CHST9: variants seen among roughly 807,000 people sequenced by gnomAD.
CHST9 encodes the protein carbohydrate sulfotransferase 9.
Under a neutral mutation model 44.4 loss-of-function variants are expected in CHST9, and 41 were observed. That is an observed-to-expected ratio of 0.92 (90% CI 0.72 to 1.20). CHST9 has a LOEUF of 1.20. CHST9 is among the 50% of genes most tolerant of loss of function. The probability of loss-of-function intolerance (pLI) is 0.00; values close to 1 mark genes in which losing one functional copy is unlikely to be tolerated. For missense variants in CHST9, 504 were observed against 516.5 expected (o/e 0.98, Z 0.23); for synonymous variants, 171 against 178.4 (o/e 0.96, Z 0.33).
intron 4 of CHST9, among the ~76,000 whole-genome samples, chr18:27,022,513 A>C (rs1193239426): frequency 6.6e-6 from 1 of 152,184 alleles, no homozygotes; most frequent in East Asian, 1.9e-4. Flanking sequence ...GACCACTTAA[A>C]GGGTATCTTT....
At chr18:26,985,335 A>G (rs985106779) in intron 4 of CHST9, among the ~76,000 whole-genome samples, 3 of 152,214 alleles carry the variant, frequency 2.0e-5, no homozygotes, top group Admixed American at 2.0e-4. Flanking sequence ...ACTGGGACCA[A>G]ATTTATTCTC....
intron 1 of CHST9, among the ~76,000 whole-genome samples, chr18:27,146,680 C>CT: frequency 6.6e-6 from 1 of 152,284 alleles, no homozygotes; most frequent in East Asian, 1.9e-4. Flanking sequence ...CTAAAAGGTA[C>CT]TTAAAAACTT....
chr18:26,998,396 A>C (rs962790353), intron 4 of CHST9, among the ~76,000 whole-genome samples: 1 of 152,232 alleles, frequency 6.6e-6, no homozygotes, highest in African/African-American at 2.4e-5. Flanking sequence ...ATGAAAGATG[A>C]AATAAAGAAA....
intron 1 of CHST9, among the ~76,000 whole-genome samples, chr18:27,164,375 T>C (rs979799301): frequency 7.2e-6 from 1 of 139,582 alleles, no homozygotes; most frequent in Non-Finnish European, 1.5e-5. Context: ...GAAAAACATA[T>C]GAGTTGGAAG....
intron 4 of CHST9, among the ~76,000 whole-genome samples, chr18:26,986,614 C>G (rs1033696626): frequency 6.6e-6 from 1 of 152,052 alleles, no homozygotes; most frequent in Non-Finnish European, 1.5e-5. Flanking sequence ...CTGAAGAAAA[C>G]CACATCAATG....
intron 2 of CHST9, among the ~76,000 whole-genome samples, chr18:27,095,075 T>C (rs2058104535): frequency 6.6e-6 from 1 of 152,164 alleles, no homozygotes; most frequent in Admixed American, 6.5e-5. Context: ...AATGAGGTAG[T>C]GTATTACATA....
intron 1 of CHST9, among the ~76,000 whole-genome samples, chr18:27,163,061 G>A (rs1228907189): frequency 6.6e-6 from 1 of 152,198 alleles, no homozygotes; most frequent in Non-Finnish European, 1.5e-5. Context: ...GTCTGTTGGA[G>A]TTTGCTGGAG....
chr18:26,956,930 TA>T (rs1337567673), intron 4 of CHST9, among the ~76,000 whole-genome samples: 2 of 152,288 alleles, frequency 1.3e-5, no homozygotes, highest in East Asian at 3.9e-4. Flanking sequence ...TTATTCACTT[TA>T]AAGGAATTTT....
chr18:27,090,406 C>T (rs932532094), intron 2 of CHST9, among the ~76,000 whole-genome samples: 1 of 152,138 alleles, frequency 6.6e-6, no homozygotes, highest in African/African-American at 2.4e-5. Context: ...TGCCTGTTCA[C>T]TCTGATGGTA....
chr18:26,930,570 C>G (rs1054748378), intron 5 of CHST9: 3 of 153,492 alleles, frequency 2.0e-5, no homozygotes, highest in African/African-American at 7.2e-5. Context: ...AATGGGTTAC[C>G]TCTCCTAAAA....
chr18:27,004,600 T>C (rs2056992500), intron 4 of CHST9, among the ~76,000 whole-genome samples: 1 of 152,182 alleles, frequency 6.6e-6, no homozygotes, highest in Non-Finnish European at 1.5e-5. Context: ...AAAGTACTTT[T>C]GGCAATGCTG....
intron 1 of CHST9, among the ~76,000 whole-genome samples, chr18:27,154,701 C>A (rs533628941): frequency 1.3e-5 from 2 of 152,082 alleles, no homozygotes; most frequent in Non-Finnish European, 2.9e-5. Context: ...TTTATCACAG[C>A]GGTTCGGTAT....
At chr18:27,042,091 A>T (rs1003926298) in intron 3 of CHST9, among the ~76,000 whole-genome samples, 1 of 152,160 alleles carries the variant, frequency 6.6e-6, no homozygotes, top group East Asian at 1.9e-4. Context: ...TTGGTAGTTC[A>T]GAACTACAGG....
chr18:27,122,257 T>C (rs1326741437), intron 2 of CHST9, among the ~76,000 whole-genome samples: 2 of 152,250 alleles, frequency 1.3e-5, no homozygotes, highest in African/African-American at 4.8e-5. Context: ...GATATAATTC[T>C]GGATTTGTGT....
At chr18:27,181,295 G>A (rs1415777622) in intron 1 of CHST9, among the ~76,000 whole-genome samples, 3 of 152,168 alleles carry the variant, frequency 2.0e-5, no homozygotes, top group Non-Finnish European at 4.4e-5. Flanking sequence ...GCTTCTTGCT[G>A]AAGTAACTCA....
At chr18:26,942,015 C>T (rs1317573831) in intron 5 of CHST9, among the ~76,000 whole-genome samples, 8 of 151,386 alleles carry the variant, frequency 5.3e-5, no homozygotes, top group Non-Finnish European at 1.2e-4. Context: ...TCCATAGTGC[C>T]TAATGGGAAG....
At chr18:27,039,395 G>A (rs2143525152) in intron 3 of CHST9, among the ~76,000 whole-genome samples, 1 of 152,278 alleles carries the variant, frequency 6.6e-6, no homozygotes, top group Middle Eastern at 3.4e-3. Flanking sequence ...TATGAAATTA[G>A]CTAGTCACAA....
At chr18:26,971,536 T>C (rs1224212329) in intron 4 of CHST9, among the ~76,000 whole-genome samples, 1 of 152,240 alleles carries the variant, frequency 6.6e-6, no homozygotes, top group South Asian at 2.1e-4. Flanking sequence ...TCATACTCTA[T>C]GTCCTTTGAT....
chr18:26,912,253 G>A lies in CHST9; in HGVS notation c.*4006C>T, dbSNP rs2055449788. 1 of 151,978 alleles carries A rather than the reference G, an allele frequency of 6.6e-6. No individual in the cohort carries two copies. The highest frequency in any genetic ancestry group is 1.5e-5 in the Non-Finnish European group (1 of 67,980). 9.4% of individuals were successfully genotyped at this position (151,978 alleles called of 1,614,324 possible). On this transcript the variant is annotated 3_prime_UTR_variant, in exon 6 of 6. Coordinates refer to ENST00000618847, the MANE Select transcript of CHST9 (RefSeq NM_031422.6). ...AAACATTGTTTCCATGATTAACTAA[G>A]GATTACAAAAAAGTTGTGGGGAGGA...
Sources: allele counts gnomAD v4.1 joint callset (sites outside exome capture counted in the v4.1 genomes callset), GRCh38; gene constraint gnomAD v4.1.1; transcripts MANE v1.5; gene names NCBI Gene and HGNC (gene_info 2026-07-23, HGNC 2026-07-21).